The following NTM variants were observed in gnomAD, a reference collection of about 807,000 sequenced individuals.
NTM encodes IgLON family member 2.
NTM carries 13 observed loss-of-function variants against 42.1 expected under a neutral mutation model. That is an observed-to-expected ratio of 0.31 (90% confidence interval 0.20 to 0.49). The LOEUF is 0.49. NTM is among the 20% of genes least tolerant of loss of function. NTM has a pLI of 0.99. For missense variants in NTM, 373 were observed against 452.8 expected (o/e 0.82, Z 1.60); for synonymous variants, 187 against 179.2 (o/e 1.04, Z -0.35).
chr11:131,936,057 C>T (rs995641254), intron 2 of NTM, among the ~76,000 whole-genome samples: 3 of 151,682 alleles, frequency 2.0e-5, no homozygotes, highest in Non-Finnish European at 2.9e-5. Flanking sequence ...CTCATCAACT[C>T]CTAAGAATAT....
chr11:131,411,097 C>T (rs938619598), intron 1 of NTM, among the ~76,000 whole-genome samples: 2 of 152,200 alleles, frequency 1.3e-5, no homozygotes, highest in Admixed American at 1.3e-4. Flanking sequence ...GGGGTTCCCA[C>T]CTGGCAAATC....
intron 1 of NTM, among the ~76,000 whole-genome samples, chr11:131,509,409 T>C (rs1156488204): frequency 6.6e-6 from 1 of 152,238 alleles, no homozygotes; most frequent in Non-Finnish European, 1.5e-5. Context: ...TCAGCTGCCT[T>C]CTTCTCCCAG....
intron 1 of NTM, among the ~76,000 whole-genome samples, chr11:131,629,024 G>A (rs1248267071): frequency 1.3e-5 from 2 of 152,334 alleles, no homozygotes; most frequent in East Asian, 1.9e-4. Flanking sequence ...TGAAGGAATC[G>A]GCAATAAGCC....
chr11:132,315,073 A>G (rs779334810), intron 7 of NTM: 8 of 1,029,898 alleles, frequency 7.8e-6, no homozygotes, highest in Non-Finnish European at 9.3e-6. Context: ...GCCAAAAATG[A>G]CATTTGATTT....
chr11:132,224,007 G>A (rs1450853450), intron 4 of NTM, among the ~76,000 whole-genome samples: 1 of 152,196 alleles, frequency 6.6e-6, no homozygotes, highest in East Asian at 1.9e-4. Context: ...GAATCTTGAG[G>A]GACTCAGGAT....
At chr11:132,128,383 G>T (rs767033874) in intron 2 of NTM, among the ~76,000 whole-genome samples, 9 of 152,100 alleles carry the variant, frequency 5.9e-5, no homozygotes, top group Admixed American at 1.3e-4. Flanking sequence ...TGCTAGTCCT[G>T]TTTACTCTCT....
intron 2 of NTM, among the ~76,000 whole-genome samples, chr11:132,007,277 A>T (rs1351313545): frequency 6.6e-6 from 1 of 152,168 alleles, no homozygotes; most frequent in Non-Finnish European, 1.5e-5. Flanking sequence ...TTTGAAGGTG[A>T]ACATTCTACA....
chr11:132,044,113 TG>T (rs2077613650), intron 2 of NTM, among the ~76,000 whole-genome samples: 1 of 86,818 alleles, frequency 1.2e-5, no homozygotes, highest in African/African-American at 5.5e-5. Flanking sequence ...TGTGTGTATG[TG>T]TATGTGTGTG....
intron 2 of NTM, among the ~76,000 whole-genome samples, chr11:132,021,205 A>G (rs1174461120): frequency 1.3e-5 from 2 of 151,964 alleles, no homozygotes; most frequent in East Asian, 1.9e-4. Flanking sequence ...TTTTGTTTCC[A>G]TAATTTGCAT....
chr11:131,403,058 C>G (rs1486035687), intron 1 of NTM, among the ~76,000 whole-genome samples: 1 of 152,212 alleles, frequency 6.6e-6, no homozygotes, highest in Admixed American at 6.5e-5. Context: ...ATAAAAGGAA[C>G]AGATAACCAA....
At chr11:131,710,432 G>A (rs1423346795) in intron 1 of NTM, among the ~76,000 whole-genome samples, 3 of 152,082 alleles carry the variant, frequency 2.0e-5, no homozygotes, top group East Asian at 1.9e-4. Flanking sequence ...GAGAGTAGGG[G>A]CAGGGAGGAA....
intron 1 of NTM, among the ~76,000 whole-genome samples, chr11:131,496,807 C>T (rs1216491002): frequency 6.6e-6 from 1 of 152,172 alleles, no homozygotes; most frequent in African/African-American, 2.4e-5. Flanking sequence ...CAAATGAAAG[C>T]CAGGTGATAT....
chr11:131,970,826 C>T (rs191015120), intron 2 of NTM, among the ~76,000 whole-genome samples: 2 of 152,308 alleles, frequency 1.3e-5, no homozygotes, highest in Non-Finnish European at 2.9e-5. Context: ...AAAGTGTTAT[C>T]TTATTTTTCC....
intron 1 of NTM, among the ~76,000 whole-genome samples, chr11:131,691,567 CG>C (rs2074734934): frequency 6.6e-6 from 1 of 151,240 alleles, no homozygotes; most frequent in Admixed American, 6.6e-5. Context: ...AGCCCCCCCC[CG>C]ACTTCCCTTC....
Position 131,934,153 on chromosome 11 carries a change from A to G in NTM, c.167+22505A>G, listed in dbSNP as rs148119565. Among the ~76,000 whole-genome samples, 349 of 152,346 alleles carry G rather than the reference A, an allele frequency of 2.3e-3. 5 individuals carry two copies. Among genetic ancestry groups the G allele is most frequent in the African/African-American group, 8.0e-3 (334 of 41,574 alleles). On this transcript the variant is annotated intron_variant, in intron 2 of 8. Coordinates refer to ENST00000683400, the MANE Select transcript of NTM (RefSeq NM_001352005.2). ...AATTACTGATTTTTAAGAAGCAAGA[A>G]CACAATAAAATGAACTCCATACATA...
At chr11:131,540,379 C>G (rs1309876533) in intron 1 of NTM, 2 of 151,946 alleles carry the variant, frequency 1.3e-5, no homozygotes, top group African/African-American at 2.4e-5. Flanking sequence ...ATCAGCCAGG[C>G]TGGTCTCAAA....
chr11:132,201,051 CAG>C (rs2081083785), intron 3 of NTM, among the ~76,000 whole-genome samples: 1 of 152,100 alleles, frequency 6.6e-6, no homozygotes, highest in Non-Finnish European at 1.5e-5. Flanking sequence ...ATCCAAGGGG[CAG>C]AGTTAGCTAA....
chr11:131,527,480 C>G (rs1229393148), intron 1 of NTM, among the ~76,000 whole-genome samples: 1 of 152,186 alleles, frequency 6.6e-6, no homozygotes, highest in East Asian at 1.9e-4. Flanking sequence ...CTGGCATACT[C>G]TTACCTGGAT....
At chr11:131,806,747 C>T (rs543277223) in intron 1 of NTM, among the ~76,000 whole-genome samples, 41 of 152,266 alleles carry the variant, frequency 2.7e-4, no homozygotes, top group African/African-American at 9.4e-4. Context: ...ATGACACACA[C>T]TCTCTGATAT....
Sources: allele counts gnomAD v4.1 joint callset (sites outside exome capture counted in the v4.1 genomes callset), GRCh38; gene constraint gnomAD v4.1.1; transcripts MANE v1.5; gene names NCBI Gene and HGNC (gene_info 2026-07-23, HGNC 2026-07-21).